The following TNS1 variants were observed in gnomAD, a reference collection of about 807,000 sequenced individuals.
TNS1 encodes the protein tensin-1.
TNS1 carries 62 observed loss-of-function variants against 168.6 expected under a neutral mutation model. That is an observed-to-expected ratio of 0.37 (90% CI 0.30 to 0.45). The LOEUF is 0.45. Ranked by LOEUF, TNS1 falls within the 20% of genes least tolerant of loss-of-function variation. The probability of loss-of-function intolerance (pLI) is 1.00; values close to 1 mark genes in which losing one functional copy is unlikely to be tolerated. For missense variants in TNS1, 2,240 were observed against 2,339.4 expected, an observed-to-expected ratio of 0.96 and a Z score of 0.88; for synonymous variants, 934 against 933.2, an observed-to-expected ratio of 1.00 and a Z score of -0.02.
chr2:217,845,110 G>A (rs1946470412), intron 19 of TNS1, among the ~76,000 whole-genome samples: 1 of 152,182 alleles, frequency 6.6e-6, no homozygotes, highest in African/African-American at 2.4e-5. Flanking sequence ...GCTGGAATAA[G>A]GCACAAGGGT....
At chr2:217,868,334 A>AC (rs1949470613) in intron 18 of TNS1, among the ~76,000 whole-genome samples, 1 of 152,182 alleles carries the variant, frequency 6.6e-6, no homozygotes. Flanking sequence ...AGGAGGCAGG[A>AC]CCCCTGAGCA....
rs1321814962 is a variant in TNS1, at chr2:217,986,691, A to T, written c.148+4251T>A. 2.0e-5 allele frequency: 3 copies of T among 152,478 alleles called. No homozygotes were observed. The highest frequency in any genetic ancestry group is 4.4e-5 in the Non-Finnish European group (3 of 68,328). The allele number at this position is 152,478 out of a possible 1,614,324, so 9.4% of individuals were successfully genotyped here. A position where few individuals can be genotyped will look rare whatever the true frequency, so the allele number is the denominator to read the frequency against. ...CACATGCCTTCCCTGCTGAAGCCTG[A>T]CAAGAACATCTCTACTGAGTCAGAA... On this transcript the variant is annotated intron_variant, in intron 2 of 32. Transcript: ENST00000682258. The surrounding 1 kb of genome is among the most constrained non-coding windows in gnomAD (Gnocchi z 4.7).
intron 32 of TNS1, among the ~76,000 whole-genome samples, chr2:217,806,149 C>G (rs540838788): frequency 2.0e-5 from 3 of 152,328 alleles, no homozygotes; most frequent in Admixed American, 6.5e-5. Context: ...GACCCGGCAA[C>G]TGCACCTGAC....
chr2:217,867,980 T>C (rs113811400), intron 18 of TNS1, among the ~76,000 whole-genome samples: 21 of 152,374 alleles, frequency 1.4e-4, no homozygotes, highest in African/African-American at 4.6e-4. Context: ...TGGTTGTTTT[T>C]AAATGTGTTA....
chr2:217,822,836 A>T (rs1447167832), intron 22 of TNS1, among the ~76,000 whole-genome samples: 2 of 152,134 alleles, frequency 1.3e-5, no homozygotes, highest in African/African-American at 4.8e-5. Context: ...GCCAGCTCCC[A>T]AACGAACTCC....
intron 6 of TNS1, among the ~76,000 whole-genome samples, chr2:217,904,380 G>A (rs968508476): frequency 3.9e-5 from 6 of 152,154 alleles, no homozygotes; most frequent in African/African-American, 1.2e-4. Context: ...CTCCTCCCCC[G>A]GGGTGGACTG....
intron 3 of TNS1, among the ~76,000 whole-genome samples, chr2:217,955,005 T>C (rs901904029): frequency 6.6e-6 from 1 of 152,102 alleles, no homozygotes; most frequent in Non-Finnish European, 1.5e-5. Flanking sequence ...GGCACACTCA[T>C]GAGCTCCACC....
chr2:217,918,635 G>A (rs927344780), intron 4 of TNS1, among the ~76,000 whole-genome samples: 3 of 152,194 alleles, frequency 2.0e-5, no homozygotes, highest in African/African-American at 4.8e-5. Flanking sequence ...TCTAGCTTCT[G>A]CCTGGTGGTC....
At chr2:217,870,262 C>A (rs1949658290) in intron 18 of TNS1, among the ~76,000 whole-genome samples, 1 of 152,186 alleles carries the variant, frequency 6.6e-6, no homozygotes, top group Non-Finnish European at 1.5e-5. Context: ...GGGCTGACAC[C>A]CCTACCCCGT....
At position 217,997,173 on chromosome 2, in the gene TNS1, CTG is replaced by C. The variant is rs58123111; in HGVS notation, c.33+5665_33+5666del. Among the ~76,000 whole-genome samples the C allele has an allele frequency of 7.4e-3, 1,130 of 152,312 alleles. 16 individuals carry two copies. The highest frequency in any genetic ancestry group is 0.025 in the African/African-American group (1,027 of 41,562). On this transcript the variant is annotated intron_variant, in intron 1 of 32. Transcript: ENST00000682258. ...CTGTCAGAATCCATATCCCTACCCG[CTG>C]TCTCCTCATTTTAGTTTGAAAAGTG...
intron 18 of TNS1, among the ~76,000 whole-genome samples, chr2:217,854,804 T>C (rs994784865): frequency 6.6e-6 from 1 of 152,130 alleles, no homozygotes; most frequent in African/African-American, 2.4e-5. Context: ...GAGGGAGGGC[T>C]GGGTCCAGGA....
intron 24 of TNS1, among the ~76,000 whole-genome samples, chr2:217,816,693 G>A (rs1191371426): frequency 6.6e-6 from 1 of 152,168 alleles, no homozygotes; most frequent in Non-Finnish European, 1.5e-5. Flanking sequence ...GAAACAGGAA[G>A]TGTCCCAGCT....
intron 18 of TNS1, among the ~76,000 whole-genome samples, chr2:217,867,300 A>T (rs888717076): frequency 6.6e-6 from 1 of 152,202 alleles, no homozygotes; most frequent in Non-Finnish European, 1.5e-5. Flanking sequence ...CTCTTCATAT[A>T]TTCTTCTACC....
chr2:217,808,182 C>A, intron 31 of TNS1, 75 bp from the exon 32 acceptor site: 1 of 1,566,206 alleles, frequency 6.4e-7, no homozygotes, highest in Non-Finnish European at 8.7e-7. Flanking sequence ...ATGCCCAGAC[C>A]CTCTGCAGGA....
At chr2:217,874,023 A>AACACACACACACACAC (rs3838561) in intron 18 of TNS1, among the ~76,000 whole-genome samples, 4 of 111,476 alleles carry the variant, frequency 3.6e-5, no homozygotes, top group Admixed American at 2.0e-4. Context: ...CCCCCCAACC[A>AACACACACACACACAC]ACACACACAC....
intron 7 of TNS1, among the ~76,000 whole-genome samples, chr2:217,900,038 C>T (rs1358935798): frequency 1.3e-5 from 2 of 152,130 alleles, no homozygotes; most frequent in Non-Finnish European, 2.9e-5. Flanking sequence ...TGACTCTGCC[C>T]AGTCAGAATC....
At chr2:217,808,141 CG>C in intron 31 of TNS1, 34 bp from the exon 32 acceptor site, 1 of 1,610,848 alleles carries the variant, frequency 6.2e-7, no homozygotes, top group Non-Finnish European at 8.5e-7. Flanking sequence ...GGTAAATCAT[CG>C]TACTTTCTCC....
chr2:217,920,281 T>C lies in TNS1; in HGVS notation c.187-45A>G, dbSNP rs144163295. The C allele has an allele frequency of 1.0e-3, 713 of 702,802 alleles. 3 individuals are homozygous for C. In the African/African-American group the frequency reaches 0.011, roughly 11 times the overall value. 43.5% of individuals were successfully genotyped at this position (702,802 alleles called of 1,614,324 possible). A position where few individuals can be genotyped will look rare whatever the true frequency, so the allele number is the denominator to read the frequency against. On this transcript the variant is annotated intron_variant, in intron 3 of 32. Coordinates refer to ENST00000682258, the MANE Select transcript of TNS1 (RefSeq NM_001387777.1). The stretch of plus-strand genomic sequence containing the variant: ...CGGGCAGGTGAGCATATCTTGTCTC[T>C]AGAGACAGCCAGCACCTCCTGAGGT...
rs1942280349 is a variant in TNS1 at position 217,818,455 on chromosome 2, T to C, written c.3877A>G (p.Thr1293Ala). ...QARHRTVGTN[T>A]PPSPGFGWRA... is the part of the protein sequence containing the mutation. ...CAGCCGAAGCCAGGACTAGGGGGAG[T>C]GTTGGTGCCCACTGTTCTGTGGCGC... The change falls in exon 24 of 33, where the codon ACT (threonine) becomes GCT (alanine). Residue 1293 changes from threonine (T) to alanine (A), a missense_variant. By Grantham distance (58) the Thr-to-Ala change is moderately conservative. Transcript: ENST00000682258. 1 of 1,613,664 alleles carries C rather than the reference T, an allele frequency of 6.2e-7. No individual in the cohort carries two copies. The highest frequency in any genetic ancestry group is 1.7e-5 in the Admixed American group (1 of 59,984).
Sources: gnomAD v4.1 joint callset for allele counts (sites outside exome capture counted in the v4.1 genomes callset) on GRCh38, gnomAD v4.1.1 for gene constraint, Gnocchi (gnomAD v3.1) non-coding constraint, MANE v1.5 for transcripts, NCBI Gene and HGNC (gene_info 2026-07-23, HGNC 2026-07-21) for gene names.